Variants in SP140 observed in about 807,000 individuals in gnomAD.
SP140 encodes the protein SP140 nuclear body protein.
A neutral mutation model predicts 125.0 loss-of-function variants in SP140; 81 were observed. The observed-to-expected ratio is 0.65, with a 90% CI of 0.54 to 0.78. The LOEUF (loss-of-function observed/expected upper bound fraction) is 0.78, where lower values mean the gene tolerates loss of function less well. Ranked by LOEUF, SP140 falls within the 30% of genes least tolerant of loss-of-function variation. The pLI is 0.00. For synonymous variants in SP140, 312 were observed against 354.0 expected (o/e 0.88, Z 1.33); for missense variants, 858 against 1,037.0 (o/e 0.83, Z 2.37).
chr2:230,288,607 G>A (rs2056763090), intron 18 of SP140, among the ~76,000 whole-genome samples: 1 of 151,428 alleles, frequency 6.6e-6, no homozygotes, highest in Non-Finnish European at 1.5e-5. Flanking sequence ...TTCTCCTAAT[G>A]CTATCCTTCC....
chr2:230,248,654 A>G (rs1003044065), intron 8 of SP140, among the ~76,000 whole-genome samples: 4 of 152,228 alleles, frequency 2.6e-5, no homozygotes, highest in African/African-American at 9.6e-5. Flanking sequence ...TGGAGAGAAG[A>G]TCAGACAATC....
At chr2:230,219,022 C>T (rs865887083) in intron 3 of SP140, among the ~76,000 whole-genome samples, 3 of 152,074 alleles carry the variant, frequency 2.0e-5, no homozygotes, top group African/African-American at 4.8e-5. Context: ...GTCAGGAGTT[C>T]GAGACCAGCC....
At chr2:230,314,769 C>G (rs573114259), downstream of SP140, among the ~76,000 whole-genome samples, 1 of 152,320 alleles carries the variant, frequency 6.6e-6, no homozygotes, top group Non-Finnish European at 1.5e-5. Context: ...GTCTCAGACA[C>G]TAACTAAAGG....
chr2:230,290,172 T>A (rs2056949944), intron 18 of SP140, among the ~76,000 whole-genome samples: 3 of 152,316 alleles, frequency 2.0e-5, no homozygotes, highest in Admixed American at 2.0e-4. Context: ...TTCATTGTCA[T>A]ATAAGAATCA....
intron 19 of SP140, among the ~76,000 whole-genome samples, chr2:230,291,907 A>C (rs1334905759): frequency 6.6e-6 from 1 of 152,220 alleles, no homozygotes; most frequent in African/African-American, 2.4e-5. Flanking sequence ...CTACATGCTC[A>C]CCAACTTTGT....
intron 16 of SP140, among the ~76,000 whole-genome samples, chr2:230,284,694 A>C (rs1434520245): frequency 2.0e-5 from 3 of 152,224 alleles, no homozygotes; most frequent in Non-Finnish European, 4.4e-5. Flanking sequence ...TAATTTGGAA[A>C]GACATTCCTA....
chr2:230,270,243 C>G (rs532577171), intron 14 of SP140, among the ~76,000 whole-genome samples: 1 of 152,266 alleles, frequency 6.6e-6, no homozygotes, highest in South Asian at 2.1e-4. Flanking sequence ...CCATGAAGCC[C>G]AGGATACCCC....
chr2:230,248,099 G>A (rs552809646), intron 8 of SP140, 34 bp downstream of exon 8: 1 of 1,605,532 alleles, frequency 6.2e-7, no homozygotes, highest in East Asian at 2.2e-5. Flanking sequence ...ATGTGTCAAG[G>A]GTGAAAATGA....
chr2:230,201,133 G>A (rs1362159779), upstream of SP140, among the ~76,000 whole-genome samples: 2 of 152,148 alleles, frequency 1.3e-5, no homozygotes, highest in East Asian at 3.8e-4. Context: ...ATGACACTGT[G>A]CCTGTCTGCC....
chr2:230,195,150 A>G, the SP140 span, among the ~76,000 whole-genome samples: 2 of 151,690 alleles, frequency 1.3e-5, no homozygotes, highest in Admixed American at 6.6e-5. Context: ...ACAAATATTG[A>G]TCTACAAACC....
At chr2:230,272,605 T>A (rs2054098279) in intron 15 of SP140, among the ~76,000 whole-genome samples, 1 of 152,186 alleles carries the variant, frequency 6.6e-6, no homozygotes, top group South Asian at 2.1e-4. Flanking sequence ...ATTGTGAGGC[T>A]TCCCCAGCCA....
At chr2:230,259,507 G>A (rs1385243883) in intron 12 of SP140, among the ~76,000 whole-genome samples, 6 of 146,360 alleles carry the variant, frequency 4.1e-5, no homozygotes, top group Admixed American at 1.4e-4. Context: ...GCAAAACCCC[G>A]CCTCCGCTAA....
chr2:230,245,103 A>G (rs777260109), intron 6 of SP140, 23 bp downstream of exon 6: 2 of 1,503,216 alleles, frequency 1.3e-6, no homozygotes, highest in Non-Finnish European at 1.9e-6. Flanking sequence ...TAAATGACCA[A>G]TTATCTCATT....
intron 12 of SP140, among the ~76,000 whole-genome samples, chr2:230,257,969 T>C (rs527425102): frequency 6.6e-6 from 1 of 151,984 alleles, no homozygotes; most frequent in African/African-American, 2.4e-5. Context: ...GCAGGGTCAC[T>C]GGAGTGTGGC....
intron 15 of SP140, among the ~76,000 whole-genome samples, chr2:230,282,675 G>T (rs1265763760): frequency 6.6e-6 from 1 of 152,094 alleles, no homozygotes; most frequent in African/African-American, 2.4e-5. Context: ...AACTGTAAAC[G>T]ATCTAGGTCC....
At chr2:230,257,610 T>C (rs1559274581) in intron 12 of SP140, among the ~76,000 whole-genome samples, 1 of 151,980 alleles carries the variant, frequency 6.6e-6, no homozygotes, top group Non-Finnish European at 1.5e-5. Context: ...CTACTAAAAA[T>C]ACAAAAATTA....
chr2:230,212,940 G>A lies in SP140; in HGVS notation c.-322-714G>A, dbSNP rs372996678. The A allele has an allele frequency of 1.9e-6, 3 of 1,613,938 alleles. No homozygotes were observed. In the African/African-American group the frequency reaches 4.0e-5, roughly 22 times the overall value. On this transcript the variant is annotated intron_variant, in intron 1 of 4. Transcript: ENST00000456542. ...TTGTGGTGGGGGCAGCGCCAGTGGG[G>A]TATGGAGGGAGCTTCCTTCTGCTAG...
At chr2:230,288,115 C>A in intron 18 of SP140, 149 bp downstream of exon 18, 1 of 677,608 alleles carries the variant, frequency 1.5e-6, no homozygotes, top group Non-Finnish European at 2.3e-6. Context: ...AGTCATTTTC[C>A]AAAATGTGTC....
intron 22 of SP140, among the ~76,000 whole-genome samples, chr2:230,308,644 C>T (rs1399884363): frequency 6.6e-6 from 1 of 152,222 alleles, no homozygotes; most frequent in African/African-American, 2.4e-5. Flanking sequence ...CTGTCCCCTG[C>T]TTCCAGAGGG....
Sources: allele counts gnomAD v4.1 joint callset (sites outside exome capture counted in the v4.1 genomes callset), GRCh38; gene constraint gnomAD v4.1.1; transcripts MANE v1.5; gene names NCBI Gene and HGNC (gene_info 2026-07-23, HGNC 2026-07-21).